The following PIBF1 variants were observed in gnomAD, a reference collection of about 807,000 sequenced individuals.
PIBF1 encodes the protein progesterone-induced-blocking factor 1.
In PIBF1, 90 loss-of-function variants were observed where a neutral mutation model predicts 112.5. That is an observed-to-expected ratio of 0.80 (90% CI 0.67 to 0.95). The LOEUF is 0.95. Among genes scored for constraint, PIBF1 ranks in the 40% least tolerant of loss-of-function variants. PIBF1 has a pLI of 0.00. For synonymous variants in PIBF1, 301 were observed against 288.6 expected (o/e 1.04, Z -0.44); for missense variants, 915 against 852.3 (o/e 1.07, Z -0.92).
intron 10 of PIBF1, among the ~76,000 whole-genome samples, chr13:72,890,176 C>G (rs2138549991): frequency 6.6e-6 from 1 of 152,144 alleles, no homozygotes; most frequent in Admixed American, 6.6e-5. Flanking sequence ...ATGTTTTATC[C>G]AGTACTTTTA....
At chr13:72,989,179 A>T (rs1594325396) in intron 16 of PIBF1, among the ~76,000 whole-genome samples, 1 of 152,242 alleles carries the variant, frequency 6.6e-6, no homozygotes, top group Non-Finnish European at 1.5e-5. Flanking sequence ...AGAGTTACAT[A>T]CAACCCAGCA....
chr13:72,885,134 G>GT (rs1419994627), intron 10 of PIBF1, among the ~76,000 whole-genome samples: 1 of 151,916 alleles, frequency 6.6e-6, no homozygotes, highest in Non-Finnish European at 1.5e-5. Flanking sequence ...TTTCTTTTTT[G>GT]TAAGTATTTT....
At chr13:72,792,043 C>T (rs929905306) in intron 2 of PIBF1, among the ~76,000 whole-genome samples, 1 of 151,954 alleles carries the variant, frequency 6.6e-6, no homozygotes, top group African/African-American at 2.4e-5. Context: ...TGCCTGTAAT[C>T]CCAGCATTTT....
At chr13:72,827,579 G>T (rs2036878211) in intron 7 of PIBF1, among the ~76,000 whole-genome samples, 154 bp from the exon 8 acceptor site, 1 of 152,064 alleles carries the variant, frequency 6.6e-6, no homozygotes, top group South Asian at 2.1e-4. Flanking sequence ...GCTATTTTTA[G>T]ATTTTAAAAA....
At chr13:72,794,328 CCAAAGGGGTGGCTAA>C (rs1166734554) in intron 3 of PIBF1, among the ~76,000 whole-genome samples, 5 of 151,590 alleles carry the variant, frequency 3.3e-5, no homozygotes, top group South Asian at 4.2e-4. Context: ...CAAGCTTGCT[CCAAAGGGGTGGCTAA>C]CAAAGGGGGA....
chr13:72,918,775 C>T (rs2041189393), intron 13 of PIBF1, among the ~76,000 whole-genome samples: 1 of 150,864 alleles, frequency 6.6e-6, no homozygotes, highest in Non-Finnish European at 1.5e-5. Context: ...ACGATCTCAG[C>T]TCACTGCAAC....
At chr13:72,844,795 A>ACACG in intron 9 of PIBF1, among the ~76,000 whole-genome samples, 1 of 134,150 alleles carries the variant, frequency 7.5e-6, no homozygotes, top group African/African-American at 2.8e-5. Context: ...ACACACACAC[A>ACACG]CACACGGATG....
chr13:72,990,265 A>T (rs1292250072), intron 16 of PIBF1, among the ~76,000 whole-genome samples: 1 of 151,364 alleles, frequency 6.6e-6, no homozygotes, highest in Non-Finnish European at 1.5e-5. Context: ...CACGCCTGTA[A>T]TCCCAGCACT....
chr13:73,011,153 T>C lies in PIBF1; in HGVS notation c.2224-4716T>C, dbSNP rs543835658. 3.9e-5 allele frequency among the ~76,000 whole-genome samples: 6 copies of C among 152,068 alleles called. No homozygotes were observed. In the South Asian group the frequency reaches 1.2e-3, roughly 31 times the overall value. On this transcript the variant is annotated intron_variant, in intron 17 of 17. Coordinates refer to ENST00000326291, the MANE Select transcript of PIBF1 (RefSeq NM_006346.4). ...ACTTTTCTTAAATACATAAGAGAAGTGAGGTCACAAAGCAAACTGCTGCCC... is the reference window on the plus strand; with the variant it reads ...ACTTTTCTTAAATACATAAGAGAAGCGAGGTCACAAAGCAAACTGCTGCCC...
intron 3 of PIBF1, among the ~76,000 whole-genome samples, chr13:72,793,469 G>A (rs1454322398): frequency 6.6e-6 from 1 of 152,178 alleles, no homozygotes; most frequent in Non-Finnish European, 1.5e-5. Context: ...TTTCTGACTT[G>A]TGGGGGTGGG....
intron 14 of PIBF1, among the ~76,000 whole-genome samples, chr13:72,959,559 CTTCAT>C (rs1430449377): frequency 6.6e-6 from 1 of 152,066 alleles, no homozygotes; most frequent in African/African-American, 2.4e-5. Flanking sequence ...CAATAAAGAA[CTTCAT>C]TTCTAGTTTC....
At chr13:72,985,890 C>G (rs982091962) in intron 16 of PIBF1, among the ~76,000 whole-genome samples, 9 of 151,888 alleles carry the variant, frequency 5.9e-5, no homozygotes, top group African/African-American at 2.2e-4. Context: ...TGGGTCACAC[C>G]TATAATCCCA....
intron 14 of PIBF1, among the ~76,000 whole-genome samples, chr13:72,933,764 A>C (rs893363655): frequency 1.3e-5 from 2 of 152,240 alleles, no homozygotes; most frequent in African/African-American, 4.8e-5. Context: ...ATTAAGTATA[A>C]TTAACTTTGT....
chr13:72,952,841 C>T (rs892165042), intron 14 of PIBF1, among the ~76,000 whole-genome samples: 2 of 147,014 alleles, frequency 1.4e-5, no homozygotes, highest in Non-Finnish European at 3.0e-5. Context: ...GCTGGAATGG[C>T]AGAGGTCTCA....
chr13:72,832,420 T>C (rs1403357176), intron 8 of PIBF1, among the ~76,000 whole-genome samples: 4 of 152,144 alleles, frequency 2.6e-5, no homozygotes, highest in African/African-American at 7.2e-5. Flanking sequence ...TTCCTTCCCA[T>C]GTTTAGTGCT....
chr13:72,794,941 ATTGG>A (rs757258812), intron 3 of PIBF1, among the ~76,000 whole-genome samples: 48 of 152,302 alleles, frequency 3.2e-4, no homozygotes, highest in Non-Finnish European at 5.6e-4. Context: ...TCATTACCTC[ATTGG>A]TTGAGTGAAT....
At chr13:72,806,549 G>C (rs1278352318) in intron 5 of PIBF1, among the ~76,000 whole-genome samples, 1 of 151,896 alleles carries the variant, frequency 6.6e-6, no homozygotes, top group African/African-American at 2.4e-5. Context: ...ATAGGCCCCA[G>C]TGTGTGATGT....
At chr13:73,008,067 T>C (rs917923936) in intron 17 of PIBF1, among the ~76,000 whole-genome samples, 15 of 152,184 alleles carry the variant, frequency 9.9e-5, no homozygotes, top group Non-Finnish European at 2.2e-4. Flanking sequence ...TCTGTTCAAA[T>C]TTTGGTAGTG....
At chr13:72,976,838 T>A (rs1190646301) in intron 16 of PIBF1, among the ~76,000 whole-genome samples, 1 of 152,200 alleles carries the variant, frequency 6.6e-6, no homozygotes, top group Non-Finnish European at 1.5e-5. Flanking sequence ...AGTCAATAGA[T>A]AACATTGGTT....
Sources: allele counts gnomAD v4.1 joint callset (sites outside exome capture counted in the v4.1 genomes callset), GRCh38; gene constraint gnomAD v4.1.1; transcripts MANE v1.5; gene names NCBI Gene and HGNC (gene_info 2026-07-23, HGNC 2026-07-21).